CXADR: variants seen among roughly 807,000 people sequenced by gnomAD.
The protein encoded by CXADR is coxsackievirus and adenovirus receptor.
Under a neutral mutation model 40.3 loss-of-function variants are expected in CXADR, and 20 were observed. That is an observed-to-expected ratio of 0.50 (90% confidence interval 0.35 to 0.72). CXADR has a LOEUF of 0.72. Among genes scored for constraint, CXADR ranks in the 30% least tolerant of loss-of-function variants. CXADR has a pLI of 0.01. For synonymous variants in CXADR, 150 were observed against 161.3 expected (o/e 0.93, Z 0.53); for missense variants, 332 against 449.1 (o/e 0.74, Z 2.36).
At chr21:17,519,096 A>G in intron 1 of CXADR, 1 of 823,118 alleles carries the variant, frequency 1.2e-6, no homozygotes, top group South Asian at 1.5e-5. Flanking sequence ...CATTCCTGCG[A>G]TTATACCACC....
intron 7 of CXADR, among the ~76,000 whole-genome samples, chr21:17,581,157 G>A (rs968413621): frequency 1.3e-5 from 2 of 152,084 alleles, no homozygotes; most frequent in African/African-American, 4.8e-5. Flanking sequence ...AAACTGTATA[G>A]TGTTACATCA....
At chr21:17,537,775 C>A (rs1325725135) in intron 1 of CXADR, among the ~76,000 whole-genome samples, 5 of 151,806 alleles carry the variant, frequency 3.3e-5, no homozygotes, top group African/African-American at 9.7e-5. Context: ...TAAAAAAAAA[C>A]CAGTGATGAT....
At chr21:17,606,944 C>T in the CXADR span, among the ~76,000 whole-genome samples, 2 of 152,110 alleles carry the variant, frequency 1.3e-5, no homozygotes, top group African/African-American at 4.8e-5. Context: ...TGCCAAATTG[C>T]TCTCTACAAG....
At chr21:17,609,197 A>G in the CXADR span, 1 of 1,568,756 alleles carries the variant, frequency 6.4e-7, no homozygotes, top group Non-Finnish European at 8.6e-7. Flanking sequence ...AAATATAAAA[A>G]CTGGGAAGAT....
chr21:17,547,825 A>G (rs2123251117), intron 2 of CXADR, among the ~76,000 whole-genome samples: 2 of 152,312 alleles, frequency 1.3e-5, no homozygotes, highest in East Asian at 3.9e-4. Flanking sequence ...GCAAAAAACA[A>G]TCTATAAAAT....
intron 4 of CXADR, 56 bp downstream of exon 4, chr21:17,559,187 T>C: frequency 6.4e-7 from 1 of 1,569,650 alleles, no homozygotes; most frequent in South Asian, 1.1e-5. Context: ...TAAGATCTAG[T>C]AGGGGTGTGT....
chr21:17,549,325 G>A (rs2060937503), intron 2 of CXADR, among the ~76,000 whole-genome samples: 2 of 152,124 alleles, frequency 1.3e-5, no homozygotes, highest in South Asian at 4.1e-4. Flanking sequence ...TGCCTCCCGT[G>A]TTTCATAAAC....
intron 7 of CXADR, among the ~76,000 whole-genome samples, chr21:17,577,426 C>T (rs2061329415): frequency 6.6e-6 from 1 of 151,846 alleles, no homozygotes; most frequent in Non-Finnish European, 1.5e-5. Context: ...CATAACTTAT[C>T]ATTTTCTTAT....
chr21:17,580,126 AC>A (rs2061350187), intron 7 of CXADR, among the ~76,000 whole-genome samples: 1 of 152,134 alleles, frequency 6.6e-6, no homozygotes, highest in African/African-American at 2.4e-5. Flanking sequence ...CTGGCCCTGG[AC>A]CACTTTGGAA....
chr21:17,565,845 G>T lies in CXADR; in HGVS notation c.*153G>T. On this transcript the variant is annotated 3_prime_UTR_variant, in exon 7 of 7. Transcript: ENST00000284878. ...ACGGAATATATTTTTAAAAATTTTT[G>T]TTTGGTTATATCGAAATAGTTACAG... The T allele has an allele frequency of 2.3e-6, 3 of 1,317,730 alleles. No individual in the cohort carries two copies. The highest frequency in any genetic ancestry group is 1.5e-5 in the African/African-American group (1 of 66,824). 81.6% of individuals were successfully genotyped at this position (1,317,730 alleles called of 1,614,324 possible). A position where few individuals can be genotyped will look rare whatever the true frequency, so the allele number is the denominator to read the frequency against.
At chr21:17,606,624 G>A in the CXADR span, among the ~76,000 whole-genome samples, 1 of 152,026 alleles carries the variant, frequency 6.6e-6, no homozygotes, top group African/African-American at 2.4e-5. Flanking sequence ...TATAAATATA[G>A]ATGCTTAAAC....
the CXADR span, among the ~76,000 whole-genome samples, chr21:17,635,741 T>A: frequency 6.6e-6 from 1 of 152,234 alleles, no homozygotes; most frequent in Non-Finnish European, 1.5e-5. Context: ...AACTTTGTTC[T>A]TTTTTCTTCC....
intron 1 of CXADR, among the ~76,000 whole-genome samples, chr21:17,519,507 T>C (rs2060502271): frequency 6.6e-6 from 1 of 152,246 alleles, no homozygotes; most frequent in Non-Finnish European, 1.5e-5. Flanking sequence ...TTTTTTCTCC[T>C]GCTTCAGTTG....
chr21:17,522,416 G>A (rs1441004944), intron 1 of CXADR, among the ~76,000 whole-genome samples: 1 of 152,104 alleles, frequency 6.6e-6, no homozygotes, highest in African/African-American at 2.4e-5. Context: ...CGAAAGTGCT[G>A]GGATTACAGG....
At chr21:17,556,320 T>C (rs2061035354) in intron 3 of CXADR, among the ~76,000 whole-genome samples, 1 of 152,216 alleles carries the variant, frequency 6.6e-6, no homozygotes, top group Non-Finnish European at 1.5e-5. Context: ...GGAAAGCAGG[T>C]GGGCCACTCC....
At chr21:17,633,335 C>G in the CXADR span, 1 of 152,322 alleles carries the variant, frequency 6.6e-6, no homozygotes, top group Non-Finnish European at 1.5e-5. Flanking sequence ...GAGGCCAAGG[C>G]GGGAGGATGG....
chr21:17,581,662 T>C (rs1468703557), intron 7 of CXADR, among the ~76,000 whole-genome samples: 2 of 151,398 alleles, frequency 1.3e-5, no homozygotes, highest in Non-Finnish European at 2.9e-5. Flanking sequence ...AGGGCCAACA[T>C]AGTTGAGACC....
intron 1 of CXADR, among the ~76,000 whole-genome samples, chr21:17,522,970 A>G (rs1284200048): frequency 1.3e-5 from 2 of 152,214 alleles, no homozygotes; most frequent in Non-Finnish European, 2.9e-5. Flanking sequence ...AAATATGAAT[A>G]TCTTACTTGG....
At chr21:17,586,795 T>C (rs1257012686) in intron 7 of CXADR, among the ~76,000 whole-genome samples, 1 of 152,216 alleles carries the variant, frequency 6.6e-6, no homozygotes, top group Non-Finnish European at 1.5e-5. Flanking sequence ...CGTGCAGGTT[T>C]GTTACATATG....
Sources: allele counts gnomAD v4.1 joint callset (sites outside exome capture counted in the v4.1 genomes callset), GRCh38; gene constraint gnomAD v4.1.1; transcripts MANE v1.5; gene names NCBI Gene and HGNC (gene_info 2026-07-23, HGNC 2026-07-21).